The following IQGAP2 variants were observed in gnomAD, a reference collection of about 807,000 sequenced individuals.
IQGAP2 encodes the protein ras GTPase-activating-like protein IQGAP2.
Under a neutral mutation model 201.3 loss-of-function variants are expected in IQGAP2, and 173 were observed. The observed-to-expected ratio is 0.86, with a 90% CI of 0.76 to 0.98. The LOEUF is 0.98. IQGAP2 is among the 50% of genes least tolerant of loss of function. The pLI is 0.00. For synonymous variants in IQGAP2, 675 were observed against 673.9 expected, an observed-to-expected ratio of 1.00 and a Z score of -0.03; for missense variants, 1,687 against 1,864.8, an observed-to-expected ratio of 0.90 and a Z score of 1.76.
chr5:76,618,402 AG>A, intron 13 of IQGAP2: 1 of 1,614,184 alleles, frequency 6.2e-7, no homozygotes, highest in Non-Finnish European at 8.5e-7. Context: ...AAACACCAGG[AG>A]GTAGATGGCA....
rs1746179233 is a variant in IQGAP2 at position 76,585,453 on chromosome 5, G to C, written c.459-3453G>C. 2.0e-5 allele frequency among the ~76,000 whole-genome samples: 3 copies of C among 152,040 alleles called. No individual in the cohort carries two copies. The South Asian group carries it at 6.2e-4, about 32-fold the overall frequency. On this transcript the variant is annotated intron_variant, in intron 5 of 35. Transcript: ENST00000274364. Reference sequence around the variant, plus strand: ...CAAATCAGGTAGTATGAAAGAAATTGAAGTGATACAATTATACATTTTTGA... The same window carrying C: ...CAAATCAGGTAGTATGAAAGAAATTCAAGTGATACAATTATACATTTTTGA...
intron 13 of IQGAP2, chr5:76,623,084 T>C (rs1561523169): frequency 7.7e-7 from 1 of 1,296,340 alleles, no homozygotes; most frequent in African/African-American, 1.5e-5. Flanking sequence ...TTGTGTGAGA[T>C]GCAAAGAAAC....
intron 1 of IQGAP2, among the ~76,000 whole-genome samples, chr5:76,437,136 C>T (rs1029634833): frequency 5.3e-5 from 8 of 152,074 alleles, no homozygotes; most frequent in Non-Finnish European, 8.8e-5. Flanking sequence ...ACTGCAACCT[C>T]TGCCTTTTGG....
chr5:76,601,038 G>A, intron 11 of IQGAP2, 66 bp downstream of exon 11: 1 of 1,511,662 alleles, frequency 6.6e-7, no homozygotes, highest in East Asian at 2.3e-5. Flanking sequence ...TTAAAAGTGA[G>A]GAATTTGCCT....
chr5:76,549,518 G>A (rs1743307109), intron 2 of IQGAP2, among the ~76,000 whole-genome samples: 1 of 151,992 alleles, frequency 6.6e-6, no homozygotes, highest in South Asian at 2.1e-4. Context: ...GAGGATGATG[G>A]GAGTTGATGT....
intron 2 of IQGAP2, among the ~76,000 whole-genome samples, chr5:76,496,747 TTC>T (rs1561416343): frequency 1.6e-3 from 98 of 61,932 alleles, no homozygotes; most frequent in African/African-American, 7.4e-3. Context: ...CTTTCTTTCT[TTC>T]TTTCTTTCTT....
At chr5:76,466,111 G>A (rs1754758643) in intron 2 of IQGAP2, among the ~76,000 whole-genome samples, 1 of 151,982 alleles carries the variant, frequency 6.6e-6, no homozygotes, top group Non-Finnish European at 1.5e-5. Context: ...TGAGATGGGA[G>A]TATTGCTTGA....
At chr5:76,511,572 T>C (rs1461694582) in intron 2 of IQGAP2, among the ~76,000 whole-genome samples, 1 of 152,198 alleles carries the variant, frequency 6.6e-6, no homozygotes, top group Non-Finnish European at 1.5e-5. Context: ...AGACCAGTCA[T>C]GTTCCATCTA....
At position 76,625,895 on chromosome 5, in the gene IQGAP2, T is replaced by G. The variant is rs562380716; in HGVS notation, c.1522-1515T>G. 1.5e-3 allele frequency among the ~76,000 whole-genome samples: 226 copies of G among 152,314 alleles called. 1 individual carries two copies. The highest frequency in any genetic ancestry group is 5.3e-3 in the African/African-American group (219 of 41,534). On this transcript the variant is annotated intron_variant, in intron 13 of 35. Transcript: ENST00000274364. ...AGGTAAAATGTTCCCATTTGTTAAA[T>G]GTCACATGTTTCCTGAAAATATCTC...
Position 76,641,091 on chromosome 5 carries a change from G to C in IQGAP2, c.2082G>C (p.Val694=). 6.3e-7 allele frequency: 1 copy of C among 1,598,756 alleles called. No homozygotes were observed. The highest frequency in any genetic ancestry group is 8.6e-7 in the Non-Finnish European group (1 of 1,167,878). The change falls in exon 17 of 36, where the codon GTG becomes GTC. Residue 694 remains valine, a synonymous_variant. Transcript: ENST00000274364. ...KSFLHEQEEN[V]VKIQAFWKGY... ...TTTTGCATGAACAAGAAGAGAATGT[G>C]GTCAAAATACAGGTATGTGGATCAC...
intron 2 of IQGAP2, among the ~76,000 whole-genome samples, chr5:76,492,711 G>T (rs1210252373): frequency 6.6e-6 from 1 of 152,092 alleles, no homozygotes; most frequent in Non-Finnish European, 1.5e-5. Flanking sequence ...AGGAATACTG[G>T]GCAGAGAAGG....
intron 2 of IQGAP2, among the ~76,000 whole-genome samples, chr5:76,559,181 G>T (rs1432082392): frequency 6.6e-6 from 1 of 152,146 alleles, no homozygotes; most frequent in Non-Finnish European, 1.5e-5. Context: ...GATTACAGGC[G>T]TGAGCCACCG....
intron 2 of IQGAP2, among the ~76,000 whole-genome samples, chr5:76,551,791 C>T (rs1743554631): frequency 6.6e-6 from 1 of 151,342 alleles, no homozygotes; most frequent in African/African-American, 2.4e-5. Flanking sequence ...TGCAGTGAGC[C>T]GAGATGGCGG....
intron 10 of IQGAP2, among the ~76,000 whole-genome samples, chr5:76,598,264 C>G (rs1747179319): frequency 6.6e-6 from 1 of 152,074 alleles, no homozygotes; most frequent in Non-Finnish European, 1.5e-5. Context: ...CATTAACTCA[C>G]TACACATATA....
At chr5:76,641,514 A>C (rs1751581319) in intron 17 of IQGAP2, among the ~76,000 whole-genome samples, 1 of 152,208 alleles carries the variant, frequency 6.6e-6, no homozygotes, top group Non-Finnish European at 1.5e-5. Flanking sequence ...CTAATGAAAT[A>C]AACAGATTTA....
At chr5:76,494,886 A>G (rs1417427086) in intron 2 of IQGAP2, among the ~76,000 whole-genome samples, 2 of 152,208 alleles carry the variant, frequency 1.3e-5, no homozygotes, top group Non-Finnish European at 2.9e-5. Context: ...CTAGCCTGCC[A>G]TCTTATAAGT....
intron 13 of IQGAP2, chr5:76,616,059 C>T (rs1227242584): frequency 1.3e-5 from 2 of 152,564 alleles, no homozygotes; most frequent in Non-Finnish European, 2.9e-5. Flanking sequence ...CCTGGCATCA[C>T]CCAGAAGCTC....
chr5:76,573,126 T>G (rs918655095), intron 4 of IQGAP2, among the ~76,000 whole-genome samples: 2 of 152,238 alleles, frequency 1.3e-5, no homozygotes, highest in African/African-American at 4.8e-5. Context: ...ATAAACCGAT[T>G]AATAAAAAAC....
At chr5:76,659,175 C>T (rs754024425) in intron 21 of IQGAP2, among the ~76,000 whole-genome samples, 1 of 151,868 alleles carries the variant, frequency 6.6e-6, no homozygotes, top group Non-Finnish European at 1.5e-5. Context: ...ATTTTAAGCC[C>T]GCCCATTTAT....
Sources: gnomAD v4.1 joint callset for allele counts (sites outside exome capture counted in the v4.1 genomes callset) on GRCh38, gnomAD v4.1.1 for gene constraint, MANE v1.5 for transcripts, NCBI Gene and HGNC (gene_info 2026-07-23, HGNC 2026-07-21) for gene names.